Variants in SLC35F1 observed in about 807,000 individuals in gnomAD.
SLC35F1 encodes the protein solute carrier family 35 member F1.
SLC35F1 carries 14 observed loss-of-function variants against 48.7 expected under a neutral mutation model. The ratio of observed to expected loss-of-function variants is 0.29; its 90% CI spans 0.19 to 0.45. SLC35F1 has a LOEUF of 0.45. Among genes scored for constraint, SLC35F1 ranks in the 20% least tolerant of loss-of-function variants. The pLI is 1.00. For missense variants in SLC35F1, 404 were observed against 500.0 expected (o/e 0.81, Z 1.83); for synonymous variants, 190 against 202.2 (o/e 0.94, Z 0.51).
At chr6:118,190,896 T>A (rs1024175552) in intron 2 of SLC35F1, among the ~76,000 whole-genome samples, 1 of 152,172 alleles carries the variant, frequency 6.6e-6, no homozygotes, top group African/African-American at 2.4e-5. Context: ...AGGCCATGAG[T>A]GCCAGTACCT....
At chr6:118,188,076 G>C (rs1345837470) in intron 2 of SLC35F1, among the ~76,000 whole-genome samples, 2 of 152,234 alleles carry the variant, frequency 1.3e-5, no homozygotes, top group Non-Finnish European at 2.9e-5. Context: ...ACTTGACACA[G>C]AGTCGCAGAT....
chr6:118,002,679 C>T (rs1043811053), intron 1 of SLC35F1, among the ~76,000 whole-genome samples: 1 of 151,644 alleles, frequency 6.6e-6, no homozygotes, highest in African/African-American at 2.4e-5. Flanking sequence ...TTTTCAAGGT[C>T]ATATCGACCC....
intron 1 of SLC35F1, among the ~76,000 whole-genome samples, chr6:118,098,843 T>C (rs1001948414): frequency 6.6e-6 from 1 of 152,170 alleles, no homozygotes; most frequent in Non-Finnish European, 1.5e-5. Context: ...TATTTTATTT[T>C]ATTAGTAACA....
At chr6:118,102,935 T>C (rs770923570) in intron 1 of SLC35F1, among the ~76,000 whole-genome samples, 2 of 152,164 alleles carry the variant, frequency 1.3e-5, no homozygotes, top group Non-Finnish European at 1.5e-5. Flanking sequence ...TTTGCACCCG[T>C]GTTTTGTGCT....
chr6:118,008,797 G>C (rs1777207628), intron 1 of SLC35F1, among the ~76,000 whole-genome samples: 1 of 152,152 alleles, frequency 6.6e-6, no homozygotes, highest in Admixed American at 6.5e-5. Flanking sequence ...TTGCTTTGGG[G>C]AATAACAATC....
intron 1 of SLC35F1, among the ~76,000 whole-genome samples, chr6:118,145,692 TAA>T (rs1773961453): frequency 6.6e-6 from 1 of 152,140 alleles, no homozygotes; most frequent in Admixed American, 6.5e-5. Context: ...CAGTATACCT[TAA>T]GATATTGCCT....
At chr6:118,182,483 C>G (rs1337512214) in intron 2 of SLC35F1, among the ~76,000 whole-genome samples, 1 of 122,370 alleles carries the variant, frequency 8.2e-6, no homozygotes, top group Admixed American at 1.0e-4. Context: ...CAGAGTGAGA[C>G]CCTGTCAAAA....
chr6:118,061,185 C>T (rs2114273875), intron 1 of SLC35F1, among the ~76,000 whole-genome samples: 1 of 152,312 alleles, frequency 6.6e-6, no homozygotes. Flanking sequence ...ACCATCCATT[C>T]CCCGGAGAGG....
At chr6:117,920,250 T>A (rs1331750809) in intron 1 of SLC35F1, among the ~76,000 whole-genome samples, 1 of 150,426 alleles carries the variant, frequency 6.6e-6, no homozygotes, top group African/African-American at 2.5e-5. Context: ...GGGTGGTGGC[T>A]GGAAAAGGGA....
chr6:118,069,846 G>A (rs11751360), intron 1 of SLC35F1, among the ~76,000 whole-genome samples: 27,890 of 152,172 alleles, frequency 0.18, 2,881 homozygotes, highest in Middle Eastern at 0.27. Flanking sequence ...CTGCAAGAAT[G>A]TTCATTTAGG....
At chr6:117,986,355 G>C (rs1327227581) in intron 1 of SLC35F1, among the ~76,000 whole-genome samples, 1 of 152,158 alleles carries the variant, frequency 6.6e-6, no homozygotes, top group Non-Finnish European at 1.5e-5. Flanking sequence ...CCTCAGAAAG[G>C]TATTTATTAT....
intron 2 of SLC35F1, among the ~76,000 whole-genome samples, chr6:118,233,677 G>A (rs779703564): frequency 6.6e-6 from 1 of 152,214 alleles, no homozygotes; most frequent in Non-Finnish European, 1.5e-5. Context: ...CCAGTCTAGT[G>A]AAGAGTCAGT....
chr6:118,159,534 G>A (rs1487149737), intron 2 of SLC35F1, among the ~76,000 whole-genome samples: 2 of 152,152 alleles, frequency 1.3e-5, no homozygotes, highest in Non-Finnish European at 2.9e-5. Context: ...TTTGCCTAGG[G>A]AACTCTCAAA....
intron 3 of SLC35F1, among the ~76,000 whole-genome samples, chr6:118,250,262 T>C (rs1323810078): frequency 1.3e-5 from 2 of 152,206 alleles, no homozygotes; most frequent in Non-Finnish European, 2.9e-5. Context: ...ACGTAACTAA[T>C]TTTACTTAAT....
chr6:118,285,678 T>C (rs1776040628), intron 7 of SLC35F1, among the ~76,000 whole-genome samples: 1 of 152,220 alleles, frequency 6.6e-6, no homozygotes, highest in African/African-American at 2.4e-5. Flanking sequence ...ATTCCCAGAC[T>C]ACAGCTGCAA....
intron 1 of SLC35F1, among the ~76,000 whole-genome samples, chr6:117,978,114 T>G (rs1258654290): frequency 6.6e-6 from 1 of 152,198 alleles, no homozygotes; most frequent in Non-Finnish European, 1.5e-5. Flanking sequence ...GATGTGTTTA[T>G]CTGAACTGAA....
intron 1 of SLC35F1, among the ~76,000 whole-genome samples, chr6:117,914,098 C>T (rs1582558388): frequency 6.7e-6 from 1 of 149,462 alleles, no homozygotes; most frequent in Non-Finnish European, 1.5e-5. Context: ...ATCTATCTAT[C>T]TATCTATCTA....
At chr6:118,177,234 T>C (rs1055452795) in intron 2 of SLC35F1, among the ~76,000 whole-genome samples, 2 of 152,226 alleles carry the variant, frequency 1.3e-5, no homozygotes, top group Admixed American at 1.3e-4. Flanking sequence ...CTCCTGACTC[T>C]CTGATCTCTT....
chr6:118,152,158 A>C (rs554343328), intron 1 of SLC35F1, among the ~76,000 whole-genome samples: 1 of 152,314 alleles, frequency 6.6e-6, no homozygotes, highest in African/African-American at 2.4e-5. Flanking sequence ...AAATCTTGAA[A>C]GATACATAAG....
Sources: gnomAD v4.1 joint callset for allele counts (sites outside exome capture counted in the v4.1 genomes callset) on GRCh38, gnomAD v4.1.1 for gene constraint, MANE v1.5 for transcripts, NCBI Gene and HGNC (gene_info 2026-07-23, HGNC 2026-07-21) for gene names.